ADORA2B: variants seen among roughly 807,000 people sequenced by gnomAD.
ADORA2B encodes the protein adenosine receptor A2b.
Under a neutral mutation model 20.8 loss-of-function variants are expected in ADORA2B, and 18 were observed. That is an observed-to-expected ratio of 0.87 (90% confidence interval 0.60 to 1.29). The LOEUF is 1.29. Ranked by LOEUF, ADORA2B falls within the 50% of genes most tolerant of loss-of-function variation. ADORA2B has a pLI of 0.00. For synonymous variants in ADORA2B, 179 were observed against 178.3 expected (o/e 1.00, Z -0.03); for missense variants, 441 against 422.7 (o/e 1.04, Z -0.38).
At chr17:15,917,288 A>G in the ADORA2B span, among the ~76,000 whole-genome samples, 1 of 152,210 alleles carries the variant, frequency 6.6e-6, no homozygotes, top group Non-Finnish European at 1.5e-5. Context: ...TGGGCAACAG[A>G]GCCAGACCGT....
the ADORA2B span, among the ~76,000 whole-genome samples, chr17:15,935,241 A>G: frequency 5.9e-5 from 9 of 152,278 alleles, no homozygotes; most frequent in East Asian, 1.7e-3. Flanking sequence ...TTTAGTATTT[A>G]TTGTAGATCT....
the ADORA2B span, among the ~76,000 whole-genome samples, chr17:15,854,703 C>T: frequency 6.6e-6 from 1 of 152,142 alleles, no homozygotes; most frequent in Non-Finnish European, 1.5e-5. Flanking sequence ...TGGAGTAGGA[C>T]CTCTAAGGGA....
the ADORA2B span, among the ~76,000 whole-genome samples, chr17:15,910,248 A>G: frequency 3.3e-5 from 5 of 152,142 alleles, no homozygotes; most frequent in Non-Finnish European, 7.3e-5. Flanking sequence ...CATGACTTGC[A>G]GGCCACATGC....
At chr17:15,943,190 G>GA (rs200592769), upstream of ADORA2B, among the ~76,000 whole-genome samples, 662 of 151,944 alleles carry the variant, frequency 4.4e-3, 5 homozygotes, top group Non-Finnish European at 6.7e-3. Flanking sequence ...AAGGGAAATA[G>GA]AAAAAAAAAT....
the ADORA2B span, among the ~76,000 whole-genome samples, chr17:15,862,206 CTTTTCTTTTTTTT>C: frequency 6.6e-5 from 8 of 121,284 alleles, no homozygotes; most frequent in African/African-American, 2.6e-4. Flanking sequence ...CTTTTCTTTT[CTTTTCTTTTTTTT>C]TTTTTTTTTT....
the ADORA2B span, among the ~76,000 whole-genome samples, chr17:15,876,019 G>C: frequency 6.6e-6 from 1 of 152,170 alleles, no homozygotes; most frequent in African/African-American, 2.4e-5. Context: ...CTCCATCATG[G>C]CTGCCCTCTG....
At chr17:15,861,790 A>G in the ADORA2B span, among the ~76,000 whole-genome samples, 5 of 152,078 alleles carry the variant, frequency 3.3e-5, no homozygotes, top group South Asian at 2.1e-4. Context: ...ACCTCTTTCA[A>G]CTGTTTCCTC....
chr17:15,886,285 C>T, the ADORA2B span, among the ~76,000 whole-genome samples: 1 of 70,490 alleles, frequency 1.4e-5, no homozygotes, highest in African/African-American at 8.3e-5. Flanking sequence ...ATCCTGCCTC[C>T]CGTACACCCC....
chr17:15,969,786 TTTC>T (rs1364306336), intron 1 of ADORA2B, among the ~76,000 whole-genome samples: 1 of 152,234 alleles, frequency 6.6e-6, no homozygotes, highest in Non-Finnish European at 1.5e-5. Context: ...TCTCTCTGCT[TTTC>T]TTCTGGCTCC....
Position 15,945,142 on chromosome 17 carries a change from C to T in ADORA2B, c.-107C>T, listed in dbSNP as rs964397462. The T allele has an allele frequency of 8.0e-6, 8 of 995,396 alleles. No homozygotes were observed. Among genetic ancestry groups the T allele is most frequent in the Non-Finnish European group, 1.1e-5 (8 of 758,920 alleles). The allele number at this position is 995,396 out of a possible 1,614,324, so 61.7% of individuals were successfully genotyped here. On this transcript the variant is annotated 5_prime_UTR_variant, in exon 1 of 2. Coordinates refer to ENST00000304222, the MANE Select transcript of ADORA2B (RefSeq NM_000676.4). ...AGCCCCGAGGCTCAGAAGCGGCAGGCGGAGGCGCGGTCCGGGCGCTATGGC... is the reference window on the plus strand; with the variant it reads ...AGCCCCGAGGCTCAGAAGCGGCAGGTGGAGGCGCGGTCCGGGCGCTATGGC...
chr17:15,945,129 C>T (rs1244249273), upstream of ADORA2B: 1 of 901,046 alleles, frequency 1.1e-6, no homozygotes, highest in South Asian at 3.7e-5. Flanking sequence ...CCCCGAGGCT[C>T]AGAAGCGGCA....
At chr17:15,897,297 G>C in the ADORA2B span, among the ~76,000 whole-genome samples, 5 of 152,204 alleles carry the variant, frequency 3.3e-5, no homozygotes, top group Non-Finnish European at 7.3e-5. Context: ...GCCAGGCGTG[G>C]TGGCTCACAC....
At chr17:15,873,795 G>A in the ADORA2B span, among the ~76,000 whole-genome samples, 2 of 152,094 alleles carry the variant, frequency 1.3e-5, no homozygotes, top group Admixed American at 6.6e-5. Context: ...ACTACTGGTG[G>A]TAATGTAAAT....
the ADORA2B span, among the ~76,000 whole-genome samples, chr17:15,865,461 C>T: frequency 2.6e-5 from 4 of 151,190 alleles, no homozygotes; most frequent in Admixed American, 6.6e-5. Flanking sequence ...GGGGTTTCAC[C>T]GTGTTGGCCA....
At chr17:15,959,593 T>C (rs1162637691) in intron 1 of ADORA2B, among the ~76,000 whole-genome samples, 2 of 149,648 alleles carry the variant, frequency 1.3e-5, no homozygotes, top group Admixed American at 6.8e-5. Flanking sequence ...CTCCGCCTCC[T>C]GGGTCCAAGT....
chr17:15,942,624 G>A (rs563967392), upstream of ADORA2B, among the ~76,000 whole-genome samples: 22 of 152,310 alleles, frequency 1.4e-4, no homozygotes, highest in African/African-American at 5.1e-4. Flanking sequence ...CCCAGGCCCA[G>A]CAGCTGCAGG....
intron 1 of ADORA2B, among the ~76,000 whole-genome samples, chr17:15,971,847 G>C (rs960588288): frequency 6.6e-6 from 1 of 152,020 alleles, no homozygotes; most frequent in African/African-American, 2.4e-5. Flanking sequence ...TGGCCAGGCT[G>C]GTCTCAAATG....
chr17:15,945,722 C>A, intron 1 of ADORA2B, 139 bp downstream of exon 1: 2 of 768,924 alleles, frequency 2.6e-6, no homozygotes, highest in Non-Finnish European at 4.0e-6. Context: ...AGGGCTGGTT[C>A]CCAGCCTGGC....
chr17:15,877,127 A>G, the ADORA2B span, among the ~76,000 whole-genome samples: 72 of 152,290 alleles, frequency 4.7e-4, no homozygotes, highest in South Asian at 0.014. Context: ...TATGTTTGCT[A>G]TCATATATTT....
Sources: gnomAD v4.1 joint callset for allele counts (sites outside exome capture counted in the v4.1 genomes callset) on GRCh38, gnomAD v4.1.1 for gene constraint, MANE v1.5 for transcripts, NCBI Gene and HGNC (gene_info 2026-07-23, HGNC 2026-07-21) for gene names.